Variants in TMEM117 observed in about 807,000 individuals in gnomAD.
The protein encoded by TMEM117 is transmembrane protein 117.
Under a neutral mutation model 52.4 loss-of-function variants are expected in TMEM117, and 27 were observed. That is an observed-to-expected ratio of 0.51 (90% CI 0.38 to 0.71). The LOEUF (loss-of-function observed/expected upper bound fraction) is 0.71. Among genes scored for constraint, TMEM117 ranks in the 30% least tolerant of loss-of-function variants. The pLI is 0.00. For missense variants in TMEM117, 556 were observed against 630.5 expected, an observed-to-expected ratio of 0.88 and a Z score of 1.26; for synonymous variants, 215 against 206.3, an observed-to-expected ratio of 1.04 and a Z score of -0.36.
intron 5 of TMEM117, among the ~76,000 whole-genome samples, chr12:44,281,249 T>G (rs1237855907): frequency 1.3e-5 from 2 of 152,234 alleles, no homozygotes; most frequent in African/African-American, 4.8e-5. Context: ...TGTGTTACTT[T>G]TATTTTATAG....
At chr12:44,166,337 CAT>C (rs1412553676) in intron 4 of TMEM117, among the ~76,000 whole-genome samples, 2 of 152,272 alleles carry the variant, frequency 1.3e-5, no homozygotes, top group East Asian at 1.9e-4. Context: ...CTTAGCCACA[CAT>C]GTTTAGTAGT....
At chr12:43,963,600 A>G (rs1945438793) in intron 3 of TMEM117, among the ~76,000 whole-genome samples, 1 of 152,240 alleles carries the variant, frequency 6.6e-6, no homozygotes, top group Admixed American at 6.5e-5. Context: ...CCTGACATCA[A>G]ACAGAGTTGG....
chr12:44,210,256 G>A (rs552733424), intron 4 of TMEM117, among the ~76,000 whole-genome samples: 6 of 152,184 alleles, frequency 3.9e-5, no homozygotes, highest in Non-Finnish European at 7.4e-5. Context: ...TGGAAAAAAT[G>A]TGCATGTGTA....
chr12:44,250,811 G>A (rs1468043793), intron 5 of TMEM117, among the ~76,000 whole-genome samples: 3 of 152,094 alleles, frequency 2.0e-5, no homozygotes, highest in African/African-American at 4.8e-5. Context: ...ACACAGAGGG[G>A]AACAACACAC....
At chr12:44,378,519 A>G (rs17121314) in intron 7 of TMEM117, among the ~76,000 whole-genome samples, 1 of 152,172 alleles carries the variant, frequency 6.6e-6, no homozygotes, top group African/African-American at 2.4e-5. Context: ...GGTAAAGCCT[A>G]CTGTGCATTT....
At chr12:44,387,954 C>G (rs1489376627) in intron 7 of TMEM117, 72 bp from the exon 8 acceptor site, 2 of 1,315,900 alleles carry the variant, frequency 1.5e-6, no homozygotes, top group Non-Finnish European at 2.1e-6. Flanking sequence ...CCATTATCCT[C>G]ATTTTATTGT....
intron 4 of TMEM117, among the ~76,000 whole-genome samples, chr12:44,168,184 C>T (rs1483689611): frequency 2.0e-5 from 3 of 151,350 alleles, no homozygotes; most frequent in Admixed American, 6.6e-5. Context: ...ACCCGGGAGG[C>T]GGAGGTTGCA....
At chr12:44,145,742 C>T (rs976231195) in intron 4 of TMEM117, among the ~76,000 whole-genome samples, 1 of 152,138 alleles carries the variant, frequency 6.6e-6, no homozygotes, top group East Asian at 1.9e-4. Context: ...TTATTTCAAT[C>T]GCCAATGATG....
the TMEM117 span, among the ~76,000 whole-genome samples, chr12:43,813,231 G>GCTTTTTTTTTTTTTTTTTTTTTTT: frequency 2.7e-4 from 17 of 62,664 alleles, no homozygotes; most frequent in African/African-American, 1.0e-3. Flanking sequence ...GTTTTCTCTT[G>GCTTTTTTTTTTTTTTTTTTTTTTT]TTTTTTTTTT....
chr12:44,030,488 A>G (rs1157448729), intron 3 of TMEM117, among the ~76,000 whole-genome samples: 3 of 152,202 alleles, frequency 2.0e-5, no homozygotes, highest in African/African-American at 4.8e-5. Flanking sequence ...AAAAGTCACT[A>G]AGAGTTAACA....
intron 3 of TMEM117, among the ~76,000 whole-genome samples, chr12:44,076,417 G>A (rs1947383276): frequency 6.6e-6 from 1 of 152,156 alleles, no homozygotes; most frequent in African/African-American, 2.4e-5. Context: ...AACACCAAAG[G>A]CAAGGAAGAA....
chr12:44,179,555 C>T (rs978307606), intron 4 of TMEM117, among the ~76,000 whole-genome samples: 34 of 152,338 alleles, frequency 2.2e-4, no homozygotes, highest in Non-Finnish European at 2.9e-5. Context: ...GAAGACTCAG[C>T]AGCAAGCTGC....
intron 3 of TMEM117, among the ~76,000 whole-genome samples, chr12:44,028,842 A>T (rs1946584731): frequency 6.6e-6 from 1 of 152,176 alleles, no homozygotes; most frequent in African/African-American, 2.4e-5. Context: ...ACAGGATCCA[A>T]GAATGGAGTC....
rs117202434 is a variant in TMEM117, at chr12:44,128,311, C to T, written c.411-15214C>T. On this transcript the variant is annotated intron_variant, in intron 3 of 7. Coordinates refer to ENST00000266534, the MANE Select transcript of TMEM117 (RefSeq NM_032256.3). Reference sequence around the variant, plus strand: ...TCTGTAAAGCCTTCTCTTCTCTCTGCCCCCTTCTCTTCACACCAGAAGAAT... The same window carrying T: ...TCTGTAAAGCCTTCTCTTCTCTCTGTCCCCTTCTCTTCACACCAGAAGAAT... 1.7e-3 allele frequency among the ~76,000 whole-genome samples: 255 copies of T among 152,324 alleles called. 6 individuals carry two copies. In the East Asian group the frequency reaches 0.046, roughly 27 times the overall value.
intron 3 of TMEM117, among the ~76,000 whole-genome samples, chr12:44,047,463 A>G (rs1478029216): frequency 6.6e-6 from 1 of 152,166 alleles, no homozygotes; most frequent in Non-Finnish European, 1.5e-5. Flanking sequence ...TTGACCACAC[A>G]GATCCTGTGA....
At chr12:44,090,849 G>GTTTTTTTTTTTTTTTTTTTTTT (rs541939145) in intron 3 of TMEM117, among the ~76,000 whole-genome samples, 3 of 101,652 alleles carry the variant, frequency 3.0e-5, no homozygotes, top group African/African-American at 1.1e-4. Flanking sequence ...GTTTTTTTTT[G>GTTTTTTTTTTTTTTTTTTTTTT]TTTTTTTTTT....
chr12:44,051,225 A>G (rs374102525), intron 3 of TMEM117, among the ~76,000 whole-genome samples: 2 of 152,218 alleles, frequency 1.3e-5, no homozygotes, highest in South Asian at 2.1e-4. Context: ...AATATGATAA[A>G]TCCTGTAGCA....
chr12:43,851,165 A>G (rs1031688208), intron 2 of TMEM117, among the ~76,000 whole-genome samples: 1 of 152,196 alleles, frequency 6.6e-6, no homozygotes, highest in Non-Finnish European at 1.5e-5. Context: ...AGGACAATAC[A>G]GTATTGCCAA....
At chr12:44,045,704 G>C (rs538663737) in intron 3 of TMEM117, among the ~76,000 whole-genome samples, 2 of 152,066 alleles carry the variant, frequency 1.3e-5, no homozygotes, top group Non-Finnish European at 2.9e-5. Flanking sequence ...TTAGCCAAGC[G>C]TGGTGGCGGG....
Sources: gnomAD v4.1 joint callset for allele counts (sites outside exome capture counted in the v4.1 genomes callset) on GRCh38, gnomAD v4.1.1 for gene constraint, MANE v1.5 for transcripts, NCBI Gene and HGNC (gene_info 2026-07-23, HGNC 2026-07-21) for gene names.